Variants in KCNK10 observed in about 807,000 individuals in gnomAD.
KCNK10 encodes potassium channel subfamily K member 10.
Under a neutral mutation model 47.7 loss-of-function variants are expected in KCNK10, and 25 were observed. That is an observed-to-expected ratio of 0.52 (90% confidence interval 0.38 to 0.73). The LOEUF (loss-of-function observed/expected upper bound fraction) is 0.73. Among genes scored for constraint, KCNK10 ranks in the 30% least tolerant of loss-of-function variants. The pLI is 0.00. For missense variants in KCNK10, 563 were observed against 714.5 expected (o/e 0.79, Z 2.42); for synonymous variants, 303 against 285.6 (o/e 1.06, Z -0.61).
chr14:88,236,183 G>A (rs1184704034), intron 3 of KCNK10, among the ~76,000 whole-genome samples: 1 of 152,096 alleles, frequency 6.6e-6, no homozygotes, highest in Admixed American at 6.6e-5. Context: ...TAGCCCTGGT[G>A]GTATGCGCCT....
chr14:88,198,972 T>G (rs900883810), intron 4 of KCNK10, among the ~76,000 whole-genome samples: 4 of 146,030 alleles, frequency 2.7e-5, no homozygotes, highest in African/African-American at 1.0e-4. Context: ...CAGGCTGGAG[T>G]GCAGTGGCGC....
intron 2 of KCNK10, among the ~76,000 whole-genome samples, chr14:88,256,875 T>C (rs191840355): frequency 3.9e-5 from 6 of 152,134 alleles, no homozygotes; most frequent in African/African-American, 1.4e-4. Flanking sequence ...CAGACCACCA[T>C]AGTGTCTAAC....
chr14:88,261,435 C>A (rs1416202371), intron 2 of KCNK10, among the ~76,000 whole-genome samples: 1 of 152,186 alleles, frequency 6.6e-6, no homozygotes, highest in Non-Finnish European at 1.5e-5. Context: ...CTCATCACCA[C>A]AAATGTGGTA....
chr14:88,184,944 T>C lies in KCNK10; in HGVS notation c.*591A>G, dbSNP rs1273840939. Reference sequence around the variant, plus strand: ...AAGCAATTGCACCTTTTCGTACGTGTGCTCTGATCTGCTTCCAACAAATTC... The same window carrying C: ...AAGCAATTGCACCTTTTCGTACGTGCGCTCTGATCTGCTTCCAACAAATTC... On this transcript the variant is annotated 3_prime_UTR_variant, in exon 7 of 7. Transcript: ENST00000319231. The C allele has an allele frequency of 1.3e-5, 2 of 153,300 alleles. No homozygotes were observed. The highest frequency in any genetic ancestry group is 1.9e-4 in the East Asian group (1 of 5,340). 9.5% of individuals were successfully genotyped at this position (153,300 alleles called of 1,614,324 possible). A position where few individuals can be genotyped will look rare whatever the true frequency, so the allele number is the denominator to read the frequency against.
chr14:88,279,105 T>C (rs980647785), intron 1 of KCNK10, among the ~76,000 whole-genome samples: 7 of 152,178 alleles, frequency 4.6e-5, no homozygotes, highest in African/African-American at 1.7e-4. Context: ...CCAGGGTAGT[T>C]CATTTCTTTC....
intron 4 of KCNK10, among the ~76,000 whole-genome samples, chr14:88,202,931 G>GTCCT (rs748729807): frequency 6.6e-6 from 1 of 152,250 alleles, no homozygotes; most frequent in Non-Finnish European, 1.5e-5. Flanking sequence ...TCCTCCGACA[G>GTCCT]AGGGTGAGGG....
At position 88,274,549 on chromosome 14, in the gene KCNK10, TAAAA is replaced by T. The variant is rs3994047; in HGVS notation, c.53-11002_53-10999del. Among the ~76,000 whole-genome samples the T allele has an allele frequency of 5.4e-4, 22 of 40,504 alleles. 4 individuals are homozygous for T. The Admixed American group carries it at 9.5e-3, about 18-fold the overall frequency. 26.6% of individuals were successfully genotyped at this position (40,504 alleles called of 152,430 possible). On this transcript the variant is annotated intron_variant, in intron 1 of 6. Coordinates refer to ENST00000319231, the MANE Select transcript of KCNK10 (RefSeq NM_138317.3). ...CTGGGTGACAGAGTGAGACTCTATC[TAAAA>T]AAAAAAAAAAAAAGATCTTATGGCT...
intron 1 of KCNK10, among the ~76,000 whole-genome samples, chr14:88,285,121 T>C (rs1177167226): frequency 1.3e-5 from 2 of 152,154 alleles, no homozygotes; most frequent in East Asian, 1.9e-4. Flanking sequence ...TGTTTGTTTG[T>C]TTGTTTTTGA....
Position 88,182,287 on chromosome 14 carries a change from T to C in KCNK10, c.*3248A>G, listed in dbSNP as rs1048734634. 1 of 152,290 alleles carries C rather than the reference T, an allele frequency of 6.6e-6. No individual in the cohort carries two copies. Among genetic ancestry groups the C allele is most frequent in the East Asian group, 1.9e-4 (1 of 5,326 alleles). 9.4% of individuals were successfully genotyped at this position (152,290 alleles called of 1,614,324 possible). A position where few individuals can be genotyped will look rare whatever the true frequency, so the allele number is the denominator to read the frequency against. The stretch of plus-strand genomic sequence containing the variant: ...GAAGATGGTGGACGTGTGCTCTTTC[T>C]TTGTGTGAAATCGAAACATTTCTCC... On this transcript the variant is annotated 3_prime_UTR_variant, in exon 7 of 7. Coordinates refer to ENST00000319231, the MANE Select transcript of KCNK10 (RefSeq NM_138317.3).
intron 4 of KCNK10, among the ~76,000 whole-genome samples, chr14:88,215,685 CCA>C (rs1474881195): frequency 6.6e-6 from 1 of 152,086 alleles, no homozygotes; most frequent in Non-Finnish European, 1.5e-5. Context: ...ACTTCCCACC[CCA>C]AAGTAACAAT....
At chr14:88,317,293 A>C (rs918922671) in intron 1 of KCNK10, among the ~76,000 whole-genome samples, 1 of 152,252 alleles carries the variant, frequency 6.6e-6, no homozygotes, top group African/African-American at 2.4e-5. Context: ...TAATAAAGCT[A>C]GCACTTAAGC....
At position 88,302,547 on chromosome 14, in the gene KCNK10, T is replaced by TA. The variant is rs561726084; in HGVS notation, c.52+20199dup. The stretch of plus-strand genomic sequence containing the variant: ...CAACATGGTGAAACCCTGTCTCTAC[T>TA]AAAAATACAAAAATTAGCTAGGTGT... On this transcript the variant is annotated intron_variant, in intron 1 of 6. Transcript: ENST00000319231. Among the ~76,000 whole-genome samples, 728 of 152,180 alleles carry TA rather than the reference T, an allele frequency of 4.8e-3. 10 individuals carry two copies. The highest frequency in any genetic ancestry group is 0.017 in the African/African-American group (695 of 41,508).
rs546173200 is a variant in KCNK10, at chr14:88,282,499, G to A, written c.53-18948C>T. ...GACTGCATTTAGCTCAGCAGGAGCA[G>A]AGAGCGGATAGCCATGCCATACCTC... On this transcript the variant is annotated intron_variant, in intron 1 of 6. Transcript: ENST00000319231. Among the ~76,000 whole-genome samples, 3 of 152,354 alleles carry A rather than the reference G, an allele frequency of 2.0e-5. No homozygotes were observed. The South Asian group carries it at 6.2e-4, about 32-fold the overall frequency.
intron 2 of KCNK10, among the ~76,000 whole-genome samples, chr14:88,249,440 C>A (rs902891435): frequency 1.3e-5 from 2 of 152,162 alleles, no homozygotes; most frequent in Non-Finnish European, 2.9e-5. Context: ...GCAGTTGACT[C>A]ACAGGTGAAT....
intron 1 of KCNK10, among the ~76,000 whole-genome samples, chr14:88,276,265 C>A (rs756604151): frequency 3.1e-5 from 4 of 129,152 alleles, no homozygotes; most frequent in Admixed American, 7.0e-5. Context: ...TAAAAGAGAA[C>A]CCAGAGAGAT....
intron 1 of KCNK10, among the ~76,000 whole-genome samples, chr14:88,275,693 C>CA (rs71126972): frequency 0.063 from 4,562 of 71,950 alleles, 127 homozygotes; most frequent in South Asian, 0.13. Flanking sequence ...GCTAAAAATA[C>CA]AAAAAAAAAA....
At chr14:88,258,314 G>A (rs1404466125) in intron 2 of KCNK10, among the ~76,000 whole-genome samples, 8 of 146,060 alleles carry the variant, frequency 5.5e-5, no homozygotes, top group Non-Finnish European at 9.0e-5. Flanking sequence ...TTTTCGAGAT[G>A]GAGTCTCATT....
chr14:88,254,962 A>C (rs963802145), intron 2 of KCNK10, among the ~76,000 whole-genome samples: 10 of 152,268 alleles, frequency 6.6e-5, no homozygotes, highest in African/African-American at 2.2e-4. Flanking sequence ...ACTCCCCACA[A>C]TCATCCTAAT....
intron 1 of KCNK10, among the ~76,000 whole-genome samples, chr14:88,301,072 A>C (rs1477173181): frequency 6.6e-6 from 1 of 152,178 alleles, no homozygotes; most frequent in Non-Finnish European, 1.5e-5. Context: ...ACATTAATCG[A>C]AAGCTACCAT....
Sources: allele counts gnomAD v4.1 joint callset (sites outside exome capture counted in the v4.1 genomes callset), GRCh38; gene constraint gnomAD v4.1.1; transcripts MANE v1.5; gene names NCBI Gene and HGNC (gene_info 2026-07-23, HGNC 2026-07-21).